The following USP33 variants were observed in gnomAD, a reference collection of about 807,000 sequenced individuals.
USP33 encodes ubiquitin specific peptidase 33, also known as ubiquitin carboxyl-terminal hydrolase 33.
A neutral mutation model predicts 124.2 loss-of-function variants in USP33; 46 were observed. The observed-to-expected ratio is 0.37, with a 90% CI of 0.29 to 0.47. USP33 has a LOEUF of 0.47. Ranked by LOEUF, USP33 falls within the 20% of genes least tolerant of loss-of-function variation. USP33 has a pLI of 0.99. For synonymous variants in USP33, 350 were observed against 352.3 expected (o/e 0.99, Z 0.07); for missense variants, 851 against 1,070.6 (o/e 0.79, Z 2.86).
At chr1:77,727,926 T>C (rs551986623) in intron 10 of USP33, among the ~76,000 whole-genome samples, 1 of 152,356 alleles carries the variant, frequency 6.6e-6, no homozygotes, top group East Asian at 1.9e-4. Flanking sequence ...GACAACAATC[T>C]AAATCTACTA....
In USP33 at chr1:77,751,502, CA is replaced by C. The variant is rs758196571; in HGVS notation, c.-52+8140del. 5.3e-5 allele frequency among the ~76,000 whole-genome samples: 8 copies of C among 152,022 alleles called. 1 individual carries two copies. In the East Asian group the frequency reaches 1.6e-3, roughly 30 times the overall value. On this transcript the variant is annotated intron_variant, in intron 1 of 23. Transcript: ENST00000370794. ...ACCCTGTCTCTACCCCAAAAAAATA[CA>C]AAAATTACCCAGGCCTGGTGGCATG...
intron 1 of USP33, among the ~76,000 whole-genome samples, chr1:77,754,684 C>A (rs1680641841): frequency 6.6e-6 from 1 of 152,176 alleles, no homozygotes; most frequent in Non-Finnish European, 1.5e-5. Flanking sequence ...TAGTGCTAAT[C>A]TTTTTATTTC....
In USP33 at chr1:77,723,819, C is replaced by T. The variant is rs559209435; in HGVS notation, c.1277-376G>A. Among the ~76,000 whole-genome samples the T allele has an allele frequency of 7.2e-5, 11 of 152,158 alleles. No individual in the cohort carries two copies. In the East Asian group the frequency reaches 2.1e-3, roughly 29 times the overall value. On this transcript the variant is annotated intron_variant, in intron 11 of 23. Transcript: ENST00000370794. The stretch of plus-strand genomic sequence containing the variant: ...AGCTGGGACTACAGGCGCCCACCAC[C>T]ACGCCCAGCTATTTTTTTGTATTTT...
intron 1 of USP33, among the ~76,000 whole-genome samples, chr1:77,751,734 G>C (rs1680354744): frequency 6.6e-6 from 1 of 151,968 alleles, no homozygotes; most frequent in South Asian, 2.1e-4. Context: ...TGTCGCCCAG[G>C]CTTGAGTGCA....
rs143087924 is a variant in USP33 at position 77,697,925 on chromosome 1, G to C, written c.2516C>G (p.Pro839Arg). 3 of 1,601,970 alleles carry C rather than the reference G, an allele frequency of 1.9e-6. No homozygotes were observed. Among genetic ancestry groups the C allele is most frequent in the Non-Finnish European group, 2.5e-6 (3 of 1,176,490 alleles). Reference sequence around the variant, plus strand: ...AATCTTAGTATTGTCAATAGGACCTGGAGGATCTAAAGGAAAAAATATCAA... The same window carrying C: ...AATCTTAGTATTGTCAATAGGACCTCGAGGATCTAAAGGAAAAAATATCAA... ...SFVKGKDGDP[P>R]GPIDNTKIAV... is the part of the protein sequence containing the mutation. Residue 839 changes from proline to arginine, a missense_variant, in exon 23 of 24, where the codon CCA becomes CGA. Physicochemically the swap from Pro to Arg is moderately radical, Grantham distance 103. This residue lies in a region of USP33 where 142 missense variants were observed against 141.8 expected (regional missense o/e 1.00). Coordinates refer to ENST00000370794, the MANE Select transcript of USP33 (RefSeq NM_201624.3).
intron 23 of USP33, 49 bp downstream of exon 23, chr1:77,697,814 C>T (rs1334193791): frequency 4.7e-6 from 7 of 1,492,586 alleles, no homozygotes; most frequent in Admixed American, 3.9e-5. Context: ...ATATTTCTAA[C>T]AGTGACAAAT....
intron 16 of USP33, 63 bp from the exon 17 acceptor site, chr1:77,718,110 G>T (rs889886593): frequency 1.5e-6 from 2 of 1,326,308 alleles, no homozygotes; most frequent in African/African-American, 3.0e-5. Flanking sequence ...ATTATAACAG[G>T]TAAAACTTAG....
At position 77,722,091 on chromosome 1, in the gene USP33, C is replaced by T. The variant is rs1570779776; in HGVS notation, c.1495G>A (p.Ala499Thr). ...SSSHPTSIVK[A>T]GSCGEAYAPQ... ...GCATATGCTTCGCCACATGATCCTG[C>T]TTTGACTATAGAAGTTGGATGACTT... Residue 499 changes from alanine (A) to threonine (T), a missense_variant, in exon 13 of 24, where the codon GCA (alanine) becomes ACA (threonine). Physicochemically the swap from Ala to Thr is moderately conservative, Grantham distance 58. Transcript: ENST00000370794. 34 of 1,614,082 alleles carry T rather than the reference C, an allele frequency of 2.1e-5. No individual in the cohort carries two copies. Among genetic ancestry groups the T allele is most frequent in the Non-Finnish European group, 2.9e-5 (34 of 1,179,966 alleles).
chr1:77,697,758 C>T, intron 23 of USP33, 105 bp downstream of exon 23: 1 of 1,183,630 alleles, frequency 8.4e-7, no homozygotes, highest in South Asian at 1.5e-5. Flanking sequence ...GTATGGATTA[C>T]ATTCTTCAGT....
chr1:77,735,391 C>T (rs1378007535), intron 6 of USP33, among the ~76,000 whole-genome samples: 2 of 152,076 alleles, frequency 1.3e-5, no homozygotes, highest in African/African-American at 4.8e-5. Context: ...ATCTCTAAAA[C>T]AAGACTGAAT....
chr1:77,739,298 T>C lies in USP33; in HGVS notation c.318A>G (p.Arg106=), dbSNP rs1391192824. The part of the protein sequence containing the change: ...LGTQPSLPHV[R]QPHQIQENSV... ...TGTTTTCTTGTATTTGGTGAGGTTG[T>C]CTTACATGAGGCAATGAAGGCTGAG... Residue 106 remains arginine, a synonymous_variant, in exon 5 of 24, where the codon AGA becomes AGG. Transcript: ENST00000370794. The C allele has an allele frequency of 6.2e-7, 1 of 1,613,886 alleles. No homozygotes were observed. Among genetic ancestry groups the C allele is most frequent in the African/African-American group, 1.3e-5 (1 of 75,048 alleles).
chr1:77,697,151 A>T lies in USP33; in HGVS notation c.*166T>A. 1.6e-6 allele frequency: 1 copy of T among 620,664 alleles called. No homozygotes were observed. Among genetic ancestry groups the T allele is most frequent in the Non-Finnish European group, 2.7e-6 (1 of 374,922 alleles). 38.4% of individuals were successfully genotyped at this position (620,664 alleles called of 1,614,324 possible). On this transcript the variant is annotated 3_prime_UTR_variant, in exon 24 of 24. Transcript: ENST00000370794. ...TAAATATACCAACCTGTGGTATATTACACATTTTAATATATTCTTCCATAA... is the reference window on the plus strand; with the variant it reads ...TAAATATACCAACCTGTGGTATATTTCACATTTTAATATATTCTTCCATAA...
At chr1:77,749,650 G>A (rs796769267) in intron 1 of USP33, among the ~76,000 whole-genome samples, 14 of 152,048 alleles carry the variant, frequency 9.2e-5, no homozygotes, top group African/African-American at 2.7e-4. Flanking sequence ...CCAAAGTGCC[G>A]GAATTACAGG....
chr1:77,700,524 G>A (rs1255425387), intron 22 of USP33, among the ~76,000 whole-genome samples: 3 of 152,124 alleles, frequency 2.0e-5, no homozygotes, highest in East Asian at 3.9e-4. Context: ...TAGGAGGATC[G>A]CATGGGCTGA....
At chr1:77,702,367 A>G (rs1459671490) in intron 21 of USP33, among the ~76,000 whole-genome samples, 2 of 152,114 alleles carry the variant, frequency 1.3e-5, no homozygotes, top group African/African-American at 4.8e-5. Context: ...TTAAAAATCT[A>G]ATGTGTAAAC....
chr1:77,711,163 A>G (rs1240631668), intron 21 of USP33, among the ~76,000 whole-genome samples: 1 of 152,108 alleles, frequency 6.6e-6, no homozygotes, highest in Non-Finnish European at 1.5e-5. Context: ...GTAATTTTCC[A>G]TTTCAATAAG....
At chr1:77,750,628 G>GAAAC (rs202159259) in intron 1 of USP33, among the ~76,000 whole-genome samples, 1,349 of 35,428 alleles carry the variant, frequency 0.038, 8 homozygotes, top group African/African-American at 0.083. Context: ...ACTTAAAAAA[G>GAAAC]AAAGAAAGAA....
intron 17 of USP33, among the ~76,000 whole-genome samples, chr1:77,717,363 G>A (rs531340931): frequency 2.0e-5 from 3 of 151,942 alleles, no homozygotes; most frequent in East Asian, 2.0e-4. Context: ...GGTGGCAGGC[G>A]CCTGTAGTCC....
intron 10 of USP33, among the ~76,000 whole-genome samples, chr1:77,726,138 T>C (rs762254882): frequency 9.2e-5 from 14 of 152,106 alleles, no homozygotes; most frequent in Non-Finnish European, 1.6e-4. Context: ...TTAGTAGAGA[T>C]GGGGTTTCAC....
Sources: allele counts gnomAD v4.1 joint callset (sites outside exome capture counted in the v4.1 genomes callset), GRCh38; gene constraint gnomAD v4.1.1; regional missense constraint gnomAD v4.1.1; transcripts MANE v1.5; gene names NCBI Gene and HGNC (gene_info 2026-07-23, HGNC 2026-07-21).